Variants in LARS2 observed in about 807,000 individuals in gnomAD.
LARS2 encodes leucyl-tRNA synthetase 2, mitochondrial.
A neutral mutation model predicts 116.6 loss-of-function variants in LARS2; 81 were observed. That is an observed-to-expected ratio of 0.69 (90% confidence interval 0.58 to 0.84). The LOEUF (loss-of-function observed/expected upper bound fraction) is 0.84, where lower values mean the gene tolerates loss of function less well. Ranked by LOEUF, LARS2 falls within the 40% of genes least tolerant of loss-of-function variation. The pLI is 0.00. For synonymous variants in LARS2, 396 were observed against 407.2 expected, an observed-to-expected ratio of 0.97 and a Z score of 0.33; for missense variants, 968 against 1,114.5, an observed-to-expected ratio of 0.87 and a Z score of 1.87.
rs1699917516 is a variant in LARS2, at chr3:45,491,638, ACTGGGGCACACC to A, written c.1362_1373del (p.Tyr454_Pro458delinsTer). 2 of 1,614,236 alleles carry A rather than the reference ACTGGGGCACACC, an allele frequency of 1.2e-6. No homozygotes were observed. The highest frequency in any genetic ancestry group is 1.7e-6 in the Non-Finnish European group (2 of 1,180,030). ...GACTGGCTGATTTCACGGCAGCGGTACTGGGGCACACCAATCCCCATTGTCCACTGCCCAGTC... is the reference window on the plus strand; with the variant it reads ...GACTGGCTGATTTCACGGCAGCGGTAAATCCCCATTGTCCACTGCCCAGTC... On this transcript the variant is annotated stop_gained and inframe_deletion, in exon 13 of 22. Transcript: ENST00000645846. LOFTEE classifies it high-confidence loss of function.
At chr3:45,420,896 A>G (rs563651510) in intron 6 of LARS2, among the ~76,000 whole-genome samples, 1 of 152,372 alleles carries the variant, frequency 6.6e-6, no homozygotes, top group South Asian at 2.1e-4. Flanking sequence ...GAACATACAG[A>G]AAAGTATAAA....
rs563398396 is a variant in LARS2, at chr3:45,436,688, G to A, written c.517-10203G>A. Reference sequence around the variant, plus strand: ...GGGCGCCTGTAGTCCCAGCTACTCGGGAGGCTGAGGCAAGAGAATGGCGTG... The same window carrying A: ...GGGCGCCTGTAGTCCCAGCTACTCGAGAGGCTGAGGCAAGAGAATGGCGTG... On this transcript the variant is annotated intron_variant, in intron 6 of 21. Coordinates refer to ENST00000645846, the MANE Select transcript of LARS2 (RefSeq NM_015340.4). 1.8e-4 allele frequency among the ~76,000 whole-genome samples: 28 copies of A among 151,958 alleles called. No individual in the cohort carries two copies. In the South Asian group the frequency reaches 5.8e-3, roughly 32 times the overall value.
intron 6 of LARS2, among the ~76,000 whole-genome samples, chr3:45,428,929 C>G (rs369470489): frequency 6.6e-6 from 1 of 152,042 alleles, no homozygotes; most frequent in Admixed American, 6.6e-5. Flanking sequence ...TGGCTCTTGA[C>G]CCCAAAGTAC....
At chr3:45,484,511 A>G (rs1195012527) in intron 10 of LARS2, among the ~76,000 whole-genome samples, 3 of 144,568 alleles carry the variant, frequency 2.1e-5, no homozygotes, top group Non-Finnish European at 3.0e-5. Context: ...CCTGCCTGTA[A>G]TCCCAGCGCT....
At chr3:45,472,955 T>A (rs563139415) in intron 8 of LARS2, among the ~76,000 whole-genome samples, 18 of 152,352 alleles carry the variant, frequency 1.2e-4, no homozygotes, top group African/African-American at 4.3e-4. Context: ...TGCCTGGGGA[T>A]CTGCTTCTGT....
At chr3:45,426,138 G>A (rs73070322) in intron 6 of LARS2, among the ~76,000 whole-genome samples, 1 of 152,254 alleles carries the variant, frequency 6.6e-6, no homozygotes, top group Non-Finnish European at 1.5e-5. Flanking sequence ...GTACTACCTT[G>A]ACACCTTATT....
At chr3:45,476,172 G>A (rs1464337745) in intron 9 of LARS2, among the ~76,000 whole-genome samples, 4 of 151,720 alleles carry the variant, frequency 2.6e-5, no homozygotes, top group Non-Finnish European at 5.9e-5. Flanking sequence ...TGTAAACAAA[G>A]GAGCCAGAAA....
At chr3:45,523,168 C>T (rs923704602) in intron 19 of LARS2, among the ~76,000 whole-genome samples, 2 of 152,230 alleles carry the variant, frequency 1.3e-5, no homozygotes, top group South Asian at 2.1e-4. Flanking sequence ...CTTTCCATTC[C>T]GGAATTTGGG....
rs536309655 is a variant in LARS2, at chr3:45,519,188, G to A, written c.2215-1031G>A. 2.3e-4 allele frequency among the ~76,000 whole-genome samples: 35 copies of A among 152,246 alleles called. 1 individual carries two copies. The South Asian group carries it at 6.8e-3, about 30-fold the overall frequency. On this transcript the variant is annotated intron_variant, in intron 18 of 21. Transcript: ENST00000645846. ...CTGTGTTAATGTTCTTATGTTGACT[G>A]TACATTTCAAAATGTAAAATTGACA... is the stretch of plus-strand genomic sequence containing the variant.
intron 7 of LARS2, among the ~76,000 whole-genome samples, chr3:45,451,007 T>C (rs1178130103): frequency 6.6e-6 from 1 of 152,152 alleles, no homozygotes; most frequent in East Asian, 1.9e-4. Flanking sequence ...AATGTCTATA[T>C]AGGTGTTTTG....
intron 2 of LARS2, among the ~76,000 whole-genome samples, chr3:45,392,496 T>C (rs1028006210): frequency 7.9e-5 from 12 of 152,116 alleles, no homozygotes; most frequent in African/African-American, 2.7e-4. Context: ...GGTTTTGCCA[T>C]GTTGGCCAGA....
At chr3:45,469,558 C>A (rs1319350825) in intron 8 of LARS2, among the ~76,000 whole-genome samples, 3 of 152,014 alleles carry the variant, frequency 2.0e-5, no homozygotes, top group Non-Finnish European at 4.4e-5. Context: ...GTTGGTCAGG[C>A]TGGTCTCAAG....
At chr3:45,537,575 A>G (rs1700725803) in intron 20 of LARS2, among the ~76,000 whole-genome samples, 1 of 152,156 alleles carries the variant, frequency 6.6e-6, no homozygotes, top group Non-Finnish European at 1.5e-5. Context: ...AATACTGTCA[A>G]TGAAATTATT....
At chr3:45,523,646 C>G (rs959087218) in intron 19 of LARS2, among the ~76,000 whole-genome samples, 7 of 151,822 alleles carry the variant, frequency 4.6e-5, no homozygotes. Flanking sequence ...CCCACTTCAG[C>G]CTCCTAAGTA....
intron 10 of LARS2, among the ~76,000 whole-genome samples, chr3:45,479,981 G>A (rs1449997488): frequency 6.6e-6 from 1 of 152,304 alleles, no homozygotes; most frequent in East Asian, 1.9e-4. Flanking sequence ...ACATTAGAGA[G>A]CAAGAGCCTC....
intron 10 of LARS2, 102 bp downstream of exon 10, chr3:45,476,729 G>A: frequency 1.6e-6 from 2 of 1,219,696 alleles, no homozygotes; most frequent in South Asian, 2.8e-5. Context: ...ATCTTGCGTG[G>A]GTTGTTCTTT....
In LARS2 at chr3:45,500,591, T is replaced by C. The variant is rs2306522; in HGVS notation, c.1760+12T>C. The stretch of plus-strand genomic sequence containing the variant: ...ATGGTTAAACATAGGTAAGCACTTA[T>C]ACTGCTTTGCAAAATAATTGAGTTC... On this transcript the variant is annotated intron_variant, in intron 15 of 21. Coordinates refer to ENST00000645846, the MANE Select transcript of LARS2 (RefSeq NM_015340.4). 955,949 of 1,539,344 alleles carry C rather than the reference T, an allele frequency of 0.62. 307,286 individuals are homozygous for C. The highest frequency in any genetic ancestry group is 0.77 in the East Asian group (31,650 of 40,900).
chr3:45,474,257 G>T lies in LARS2; in HGVS notation c.765G>T (p.Ala255=). Residue 255 remains alanine, a synonymous_variant, in exon 9 of 22, where the codon GCG becomes GCT. Coordinates refer to ENST00000645846, the MANE Select transcript of LARS2 (RefSeq NM_015340.4). The part of the protein sequence containing the change: ...TTAYAKAMQD[A]LADLPEWYGI... ...CATTTGCACAGGCCATGCAGGACGC[G>T]TTGGCAGACCTTCCAGAATGGTATG... is the stretch of plus-strand genomic sequence containing the variant. The T allele has an allele frequency of 1.9e-6, 3 of 1,609,124 alleles. No homozygotes were observed. The highest frequency in any genetic ancestry group is 1.7e-4 in the Middle Eastern group (1 of 6,032).
chr3:45,406,823 G>C (rs1698240199), intron 4 of LARS2, among the ~76,000 whole-genome samples: 1 of 152,212 alleles, frequency 6.6e-6, no homozygotes, highest in Non-Finnish European at 1.5e-5. Context: ...AGAAAAGGCT[G>C]TACTGCCAAT....
Sources: gnomAD v4.1 joint callset for allele counts (sites outside exome capture counted in the v4.1 genomes callset) on GRCh38, gnomAD v4.1.1 for gene constraint, MANE v1.5 for transcripts, NCBI Gene and HGNC (gene_info 2026-07-23, HGNC 2026-07-21) for gene names.